LAMA3: variants seen among roughly 807,000 people sequenced by gnomAD.
LAMA3 encodes laminin subunit alpha-3.
LAMA3 carries 281 observed loss-of-function variants against 402.0 expected under a neutral mutation model. The observed-to-expected ratio is 0.70, with a 90% CI of 0.63 to 0.77. The LOEUF (loss-of-function observed/expected upper bound fraction) is 0.77, where lower values mean the gene tolerates loss of function less well. LAMA3 is among the 30% of genes least tolerant of loss of function. The pLI, the probability that LAMA3 is intolerant of heterozygous loss-of-function variation, is 0.00. For missense variants in LAMA3, 3,840 were observed against 4,215.5 expected (o/e 0.91, Z 2.47); for synonymous variants, 1,431 against 1,558.4 (o/e 0.92, Z 1.93).
Position 23,901,107 on chromosome 18 carries a change from C to T in LAMA3, c.6005-20C>T, listed in dbSNP as rs1346943041. 6.2e-7 allele frequency: 1 copy of T among 1,604,802 alleles called. No homozygotes were observed. Among genetic ancestry groups the T allele is most frequent in the South Asian group, 1.1e-5 (1 of 90,842 alleles). ...GTATGCTCATCTGTCAAATAGAAAA[C>T]ATGAGGTGATGTATTACAGTGCTGA... On this transcript the variant is annotated intron_variant, in intron 47 of 74. Transcript: ENST00000313654.
intron 41 of LAMA3, 55 bp downstream of exon 41, chr18:23,884,908 G>A (rs2065021265): frequency 1.4e-6 from 2 of 1,398,470 alleles, no homozygotes; most frequent in Admixed American, 3.7e-5. Flanking sequence ...GAGGGCTGTG[G>A]GTGGGGCTGC....
At chr18:23,820,106 G>A (rs745556539) in intron 19 of LAMA3, 109 bp downstream of exon 19, 111 of 1,118,040 alleles carry the variant, frequency 9.9e-5, no homozygotes, top group Middle Eastern at 2.3e-4. Context: ...CTGATTCCAC[G>A]ATTCTTTTTC....
At chr18:23,877,114 G>A (rs977206375) in intron 39 of LAMA3, among the ~76,000 whole-genome samples, 1 of 152,138 alleles carries the variant, frequency 6.6e-6, no homozygotes, top group Non-Finnish European at 1.5e-5. Context: ...ACAGAGCGGG[G>A]CTTGGAGAAG....
chr18:23,893,111 T>C (rs1190263537), intron 42 of LAMA3, among the ~76,000 whole-genome samples: 3 of 152,182 alleles, frequency 2.0e-5, no homozygotes, highest in Non-Finnish European at 4.4e-5. Context: ...AAAGTAAATG[T>C]GGTTTAAAAT....
rs761032634 is a variant in LAMA3, at chr18:23,846,435, A to T, written c.3858A>T (p.Pro1286=). The change falls in exon 31 of 75, where the codon CCA becomes CCT. Residue 1286 remains proline (P), a synonymous_variant. Transcript: ENST00000313654. ...GCAGCCCTGAGGGTGGGCAGTGCCC[A>T]TGCCAGCCCAACGTCATCGGGCGGC... is the stretch of plus-strand genomic sequence containing the variant. ...PHCSPEGGQC[P]CQPNVIGRQC... 1.9e-6 allele frequency: 3 copies of T among 1,613,882 alleles called. No individual in the cohort carries two copies. Among genetic ancestry groups the T allele is most frequent in the Non-Finnish European group, 2.5e-6 (3 of 1,180,018 alleles).
chr18:23,851,061 G>A (rs7230879), intron 32 of LAMA3, among the ~76,000 whole-genome samples: 24,140 of 152,156 alleles, frequency 0.16, 4,275 homozygotes, highest in African/African-American at 0.43. Context: ...AACCAGAAAA[G>A]GTCATCGACT....
intron 12 of LAMA3, among the ~76,000 whole-genome samples, chr18:23,787,159 G>A (rs1303445658): frequency 6.6e-6 from 1 of 152,152 alleles, no homozygotes; most frequent in African/African-American, 2.4e-5. Context: ...GCAGGCGCCT[G>A]TAATCCCAGC....
At chr18:23,756,492 C>A (rs2061848147) in intron 6 of LAMA3, among the ~76,000 whole-genome samples, 1 of 143,104 alleles carries the variant, frequency 7.0e-6, no homozygotes, top group Middle Eastern at 3.8e-3. Context: ...ACCCCACAAC[C>A]CAAACCCAAA....
chr18:23,841,431 G>T (rs1312486506), intron 27 of LAMA3, among the ~76,000 whole-genome samples: 2 of 152,152 alleles, frequency 1.3e-5, no homozygotes. Flanking sequence ...TTCATGGTGG[G>T]AGTGGAGGGA....
intron 5 of LAMA3, among the ~76,000 whole-genome samples, chr18:23,751,728 C>G (rs2061756157): frequency 6.6e-6 from 1 of 152,196 alleles, no homozygotes; most frequent in Admixed American, 6.5e-5. Context: ...GTACCCTCTC[C>G]TGTGTTGGAG....
intron 44 of LAMA3, among the ~76,000 whole-genome samples, chr18:23,898,106 C>G (rs2080937391): frequency 6.6e-6 from 1 of 152,070 alleles, no homozygotes; most frequent in Non-Finnish European, 1.5e-5. Context: ...AATCACCATT[C>G]TAGATATTAC....
chr18:23,773,608 G>A, intron 9 of LAMA3, 21 bp downstream of exon 9: 1 of 1,501,716 alleles, frequency 6.7e-7, no homozygotes, highest in Non-Finnish European at 9.1e-7. Flanking sequence ...TTTCAAGTTG[G>A]TGTATCTTAG....
In LAMA3 at chr18:23,714,762, T is replaced by C. The variant is rs531248193; in HGVS notation, c.447+690T>C. Among the ~76,000 whole-genome samples the C allele has an allele frequency of 2.6e-5, 4 of 152,308 alleles. No homozygotes were observed. In the South Asian group the frequency reaches 6.2e-4, roughly 24 times the overall value. The stretch of plus-strand genomic sequence containing the variant: ...CATCATTGTGCAACCATCGCCGTCA[T>C]CCATCTCTAGAACCCTTTTCATCTT... On this transcript the variant is annotated intron_variant, in intron 2 of 74. Transcript: ENST00000313654.
intron 62 of LAMA3, among the ~76,000 whole-genome samples, chr18:23,921,821 G>A (rs2081852287): frequency 6.6e-6 from 1 of 152,204 alleles, no homozygotes; most frequent in Non-Finnish European, 1.5e-5. Flanking sequence ...GTCATTCTCG[G>A]GAGGGGAGGG....
intron 9 of LAMA3, 52 bp downstream of exon 9, chr18:23,773,639 G>C: frequency 1.7e-6 from 2 of 1,151,614 alleles, no homozygotes; most frequent in African/African-American, 1.5e-5. Flanking sequence ...CTGCCTCAGC[G>C]AAGTCATCAG....
chr18:23,884,997 G>A, intron 41 of LAMA3, 144 bp downstream of exon 41: 1 of 593,234 alleles, frequency 1.7e-6, no homozygotes, highest in Non-Finnish European at 3.0e-6. Flanking sequence ...AAAAATACAA[G>A]ACTGCTCACC....
intron 1 of LAMA3, among the ~76,000 whole-genome samples, chr18:23,707,335 T>C (rs568216180): frequency 7.0e-4 from 106 of 152,348 alleles, no homozygotes; most frequent in African/African-American, 2.5e-3. Context: ...TGGTTGGACT[T>C]CTTGCCTGCT....
chr18:23,700,998 A>C (rs978899693), intron 1 of LAMA3, among the ~76,000 whole-genome samples: 2 of 152,212 alleles, frequency 1.3e-5, no homozygotes, highest in Non-Finnish European at 2.9e-5. Context: ...ACGCCCTGTC[A>C]TAAGTGGTAA....
intron 8 of LAMA3, among the ~76,000 whole-genome samples, chr18:23,773,263 A>G (rs1366730152): frequency 6.6e-6 from 1 of 152,244 alleles, no homozygotes; most frequent in African/African-American, 2.4e-5. Context: ...TGTCCAGTTG[A>G]TGGAATGTTT....
Sources: allele counts gnomAD v4.1 joint callset (sites outside exome capture counted in the v4.1 genomes callset), GRCh38; gene constraint gnomAD v4.1.1; transcripts MANE v1.5; gene names NCBI Gene and HGNC (gene_info 2026-07-23, HGNC 2026-07-21).